MDGA2: variants seen among roughly 807,000 people sequenced by gnomAD.
The protein encoded by MDGA2 is MAM domain containing glycosylphosphatidylinositol anchor 2.
Under a neutral mutation model 117.8 loss-of-function variants are expected in MDGA2, and 40 were observed. The observed-to-expected ratio is 0.34, with a 90% CI of 0.26 to 0.44. MDGA2 has a LOEUF of 0.44. Ranked by LOEUF, MDGA2 falls within the 20% of genes least tolerant of loss-of-function variation. The pLI, the probability that MDGA2 is intolerant of heterozygous loss-of-function variation, is 1.00. For missense variants in MDGA2, 1,123 were observed against 1,250.6 expected (o/e 0.90, Z 1.54); for synonymous variants, 452 against 439.0 (o/e 1.03, Z -0.37).
chr14:47,387,532 A>G (rs1315008013), intron 1 of MDGA2, among the ~76,000 whole-genome samples: 1 of 152,154 alleles, frequency 6.6e-6, no homozygotes, highest in African/African-American at 2.4e-5. Context: ...CTTTTGATGT[A>G]AGCAATTTCA....
intron 1 of MDGA2, among the ~76,000 whole-genome samples, chr14:47,529,114 T>C (rs1895038115): frequency 6.6e-6 from 1 of 152,016 alleles, no homozygotes; most frequent in Non-Finnish European, 1.5e-5. Context: ...TTCTCCTGTC[T>C]CAGCCTCCTG....
At chr14:47,187,442 G>A (rs555797639) in intron 3 of MDGA2, among the ~76,000 whole-genome samples, 2 of 152,062 alleles carry the variant, frequency 1.3e-5, no homozygotes, top group East Asian at 3.9e-4. Flanking sequence ...TGCATTTTTA[G>A]CAAGTAACTT....
At chr14:46,860,202 T>C (rs1881453538) in intron 14 of MDGA2, among the ~76,000 whole-genome samples, 1 of 152,056 alleles carries the variant, frequency 6.6e-6, no homozygotes, top group Non-Finnish European at 1.5e-5. Context: ...AACTTCTTCA[T>C]CAGGCAAATG....
intron 1 of MDGA2, among the ~76,000 whole-genome samples, chr14:47,394,996 A>T (rs892167419): frequency 1.3e-5 from 2 of 152,098 alleles, no homozygotes; most frequent in East Asian, 3.9e-4. Flanking sequence ...CTGCAAAAAA[A>T]TTTTAAAAAT....
intron 8 of MDGA2, among the ~76,000 whole-genome samples, chr14:46,982,163 G>A (rs772142409): frequency 4.6e-5 from 7 of 152,064 alleles, no homozygotes; most frequent in Non-Finnish European, 8.8e-5. Flanking sequence ...TTTCAGCTAT[G>A]TACACAAGTG....
rs762884048 is a variant in MDGA2, at chr14:46,882,113, C to T, written c.2347G>A (p.Glu783Lys). 6 of 1,612,232 alleles carry T rather than the reference C, an allele frequency of 3.7e-6. No homozygotes were observed. Among genetic ancestry groups the T allele is most frequent in the Non-Finnish European group, 5.1e-6 (6 of 1,178,926 alleles). Residue 783 changes from glutamate to lysine, a missense_variant, in exon 11 of 17, where the codon GAA (glutamate) becomes AAA (lysine). This residue lies in a region of MDGA2 where 890 missense variants were observed against 1,050.3 expected (regional missense o/e 0.85). Transcript: ENST00000399232. ...LTELIKPEAY[E>K]VRLTPLTKFG... is the part of the protein sequence containing the mutation. ...TTGGTGAGAGGAGTCAGTCGGACTT[C>T]ATAAGCTTCTGGTTTAATTAGCTCT... is the stretch of plus-strand genomic sequence containing the variant.
intron 9 of MDGA2, among the ~76,000 whole-genome samples, chr14:46,940,710 C>T (rs1490207642): frequency 6.6e-6 from 1 of 151,630 alleles, no homozygotes; most frequent in Non-Finnish European, 1.5e-5. Flanking sequence ...TGAGTGTGTG[C>T]GTGGAGGGGA....
intron 3 of MDGA2, among the ~76,000 whole-genome samples, chr14:47,180,377 C>T (rs61995381): frequency 0.19 from 28,751 of 152,040 alleles, 2,810 homozygotes; most frequent in Middle Eastern, 0.22. Context: ...GGAGCTTCTG[C>T]ACAGCAAAAG....
At chr14:47,594,635 A>C (rs11851126) in intron 1 of MDGA2, among the ~76,000 whole-genome samples, 44,498 of 152,140 alleles carry the variant, frequency 0.29, 6,969 homozygotes, top group Non-Finnish European at 0.35. Context: ...AGAAGTCAGA[A>C]ACAATTGTGC....
chr14:46,948,643 C>T lies in MDGA2; in HGVS notation c.2089+8731G>A, dbSNP rs199981132. Among the ~76,000 whole-genome samples, 3 of 151,980 alleles carry T rather than the reference C, an allele frequency of 2.0e-5. No individual in the cohort carries two copies. The East Asian group carries it at 5.8e-4, about 29-fold the overall frequency. ...CCACCCTGTTGCCCTCATTTCTATACACTGTCCCTTCCAGCTCTGATTCTC... is the reference window on the plus strand; with the variant it reads ...CCACCCTGTTGCCCTCATTTCTATATACTGTCCCTTCCAGCTCTGATTCTC... On this transcript the variant is annotated intron_variant, in intron 9 of 16. Coordinates refer to ENST00000399232, the MANE Select transcript of MDGA2 (RefSeq NM_001113498.3).
chr14:47,238,412 T>C (rs1182955552), intron 2 of MDGA2, among the ~76,000 whole-genome samples: 1 of 146,266 alleles, frequency 6.8e-6, no homozygotes, highest in East Asian at 1.9e-4. Context: ...GACATGCTGC[T>C]GTCTTTCTTT....
chr14:47,108,167 A>T (rs11157546), intron 5 of MDGA2, among the ~76,000 whole-genome samples: 22,854 of 151,904 alleles, frequency 0.15, 1,842 homozygotes, highest in Admixed American at 0.2. Flanking sequence ...CTTTTACCAC[A>T]TTCCCTTCTC....
At chr14:46,948,044 C>T (rs1885235907) in intron 9 of MDGA2, among the ~76,000 whole-genome samples, 1 of 151,906 alleles carries the variant, frequency 6.6e-6, no homozygotes, top group South Asian at 2.1e-4. Flanking sequence ...GCCTATTCTG[C>T]AATTTAGTCT....
chr14:47,022,247 G>A (rs1381386174), intron 8 of MDGA2, among the ~76,000 whole-genome samples: 1 of 151,976 alleles, frequency 6.6e-6, no homozygotes, highest in Non-Finnish European at 1.5e-5. Flanking sequence ...CACCATGCCT[G>A]GCTAATTTTT....
intron 1 of MDGA2, among the ~76,000 whole-genome samples, chr14:47,379,167 G>C (rs1395345865): frequency 6.6e-6 from 1 of 152,126 alleles, no homozygotes; most frequent in East Asian, 1.9e-4. Context: ...AGCAAATGCT[G>C]AGATTTTGTC....
intron 8 of MDGA2, among the ~76,000 whole-genome samples, chr14:46,964,434 G>A (rs1885934941): frequency 1.3e-5 from 2 of 152,162 alleles, no homozygotes; most frequent in African/African-American, 2.4e-5. Flanking sequence ...AAAGGACAAG[G>A]AGGCAAAACA....
intron 9 of MDGA2, among the ~76,000 whole-genome samples, chr14:46,938,684 C>T (rs958541482): frequency 5.9e-5 from 9 of 151,824 alleles, no homozygotes; most frequent in Non-Finnish European, 2.9e-5. Context: ...TTAATATAGC[C>T]ACTACAGAGA....
chr14:47,096,615 A>C (rs1398831865), intron 6 of MDGA2, among the ~76,000 whole-genome samples: 4 of 152,022 alleles, frequency 2.6e-5, no homozygotes, highest in Non-Finnish European at 1.5e-5. Context: ...AAAGCATTTG[A>C]TGGTATCACT....
chr14:46,956,638 G>C (rs1279463124), intron 9 of MDGA2, among the ~76,000 whole-genome samples: 1 of 147,686 alleles, frequency 6.8e-6, no homozygotes, highest in Non-Finnish European at 1.5e-5. Flanking sequence ...ATTCACATGA[G>C]ATTTGAATAG....
Sources: gnomAD v4.1 joint callset for allele counts (sites outside exome capture counted in the v4.1 genomes callset) on GRCh38, gnomAD v4.1.1 for gene constraint, gnomAD v4.1.1 regional missense constraint, MANE v1.5 for transcripts, NCBI Gene and HGNC (gene_info 2026-07-23, HGNC 2026-07-21) for gene names.